Variants in AKNAD1 observed in about 807,000 individuals in gnomAD.
AKNAD1 encodes the protein protein AKNAD1.
In AKNAD1, 67 loss-of-function variants were observed where a neutral mutation model predicts 90.8. The observed-to-expected ratio is 0.74, with a 90% CI of 0.61 to 0.90. AKNAD1 has a LOEUF of 0.90. Among genes scored for constraint, AKNAD1 ranks in the 40% least tolerant of loss-of-function variants. The probability of loss-of-function intolerance (pLI) is 0.00; values close to 1 mark genes in which losing one functional copy is unlikely to be tolerated. For missense variants in AKNAD1, 957 were observed against 975.4 expected (o/e 0.98, Z 0.25); for synonymous variants, 327 against 341.4 (o/e 0.96, Z 0.46).
intron 13 of AKNAD1, among the ~76,000 whole-genome samples, chr1:108,821,170 GC>G (rs1171406165): frequency 6.6e-6 from 1 of 152,080 alleles, no homozygotes; most frequent in African/African-American, 2.4e-5. Flanking sequence ...GGAGTTTTAG[GC>G]CAGGCGTGGT....
At chr1:108,816,864 T>A (rs533327803) in intron 15 of AKNAD1, 184 bp downstream of exon 15, 6 of 615,136 alleles carry the variant, frequency 9.8e-6, no homozygotes, top group South Asian at 6.8e-5. Context: ...CAATTTAGAA[T>A]AATACAAACC....
At chr1:108,817,659 G>A (rs1393138132) in intron 14 of AKNAD1, among the ~76,000 whole-genome samples, 4 of 150,912 alleles carry the variant, frequency 2.7e-5, no homozygotes, top group African/African-American at 9.7e-5. Context: ...CCGCCACCAC[G>A]CCCGGCTAAT....
At chr1:108,855,515 G>A (rs890104338) in intron 1 of AKNAD1, among the ~76,000 whole-genome samples, 2 of 151,966 alleles carry the variant, frequency 1.3e-5, no homozygotes, top group African/African-American at 4.8e-5. Context: ...GGCTGGATGA[G>A]GTGGCTCATG....
chr1:108,823,061 T>C lies in AKNAD1; in HGVS notation c.2167+309A>G, dbSNP rs138288892. The C allele has an allele frequency of 1.3e-5, 8 of 638,222 alleles. No individual in the cohort carries two copies. In the East Asian group the frequency reaches 2.2e-4, roughly 17 times the overall value. The allele number at this position is 638,222 out of a possible 1,614,324, so 39.5% of individuals were successfully genotyped here. A position where few individuals can be genotyped will look rare whatever the true frequency, so the allele number is the denominator to read the frequency against. ...GAATAGTAACAATAATAGTAGTGAT[T>C]ATCCAGTAAGTCATTTATTTGTTCA... On this transcript the variant is annotated intron_variant, in intron 13 of 15. Coordinates refer to ENST00000370001, the MANE Select transcript of AKNAD1 (RefSeq NM_152763.5).
In AKNAD1 at chr1:108,848,686, G is replaced by T. The variant is rs547595715; in HGVS notation, c.1245+66C>A. On this transcript the variant is annotated intron_variant, in intron 5 of 15. Coordinates refer to ENST00000370001, the MANE Select transcript of AKNAD1 (RefSeq NM_152763.5). ...TGTAGAGAAAACATGGCACTATAAAGTTATTTATCTTTATCCAAGCCATAT... is the reference window on the plus strand; with the variant it reads ...TGTAGAGAAAACATGGCACTATAAATTTATTTATCTTTATCCAAGCCATAT... The T allele has an allele frequency of 4.9e-6, 7 of 1,421,562 alleles. No individual in the cohort carries two copies. The South Asian group carries it at 8.7e-5, about 18-fold the overall frequency. The allele number at this position is 1,421,562 out of a possible 1,614,324, so 88.1% of individuals were successfully genotyped here.
intron 1 of AKNAD1, among the ~76,000 whole-genome samples, chr1:108,853,276 T>C (rs955237435): frequency 1.5e-4 from 23 of 151,898 alleles, no homozygotes; most frequent in Non-Finnish European, 2.7e-4. Context: ...GGACTACAGG[T>C]GCCCGCCACC....
intron 9 of AKNAD1, among the ~76,000 whole-genome samples, chr1:108,834,243 C>T (rs907075852): frequency 1.3e-5 from 2 of 152,092 alleles, no homozygotes; most frequent in Non-Finnish European, 1.5e-5. Context: ...GGTCTAGGTA[C>T]GCCTGCCGAG....
At chr1:108,855,490 T>TAAA (rs71069608) in intron 1 of AKNAD1, among the ~76,000 whole-genome samples, 19 of 138,404 alleles carry the variant, frequency 1.4e-4, no homozygotes, top group Non-Finnish European at 2.2e-4. Context: ...TATTTGAAGG[T>TAAA]AAAAAAAAAA....
intron 2 of AKNAD1, among the ~76,000 whole-genome samples, 162 bp downstream of exon 2, chr1:108,851,510 C>T (rs1201820352): frequency 1.3e-5 from 2 of 152,150 alleles, no homozygotes; most frequent in Non-Finnish European, 2.9e-5. Flanking sequence ...CTCGTGAGGA[C>T]ACTGAGAGTC....
chr1:108,836,222 C>T (rs376601086), intron 7 of AKNAD1, among the ~76,000 whole-genome samples: 23 of 152,336 alleles, frequency 1.5e-4, no homozygotes, highest in African/African-American at 5.1e-4. Flanking sequence ...CCTGAGGTGG[C>T]CTCACAAAGA....
chr1:108,857,909 G>A (rs1665094043), upstream of AKNAD1: 1 of 152,256 alleles, frequency 6.6e-6, no homozygotes, highest in Non-Finnish European at 1.5e-5. Flanking sequence ...TTTAGAATGT[G>A]AATAGTGTAC....
At position 108,852,727 on chromosome 1, in the gene AKNAD1, A is replaced by G; in HGVS notation, c.-63T>C. 1 of 1,476,634 alleles carries G rather than the reference A, an allele frequency of 6.8e-7. No individual in the cohort carries two copies. Among genetic ancestry groups the G allele is most frequent in the Non-Finnish European group, 9.0e-7 (1 of 1,105,776 alleles). The allele number at this position is 1,476,634 out of a possible 1,614,324, so 91.5% of individuals were successfully genotyped here. A position where few individuals can be genotyped will look rare whatever the true frequency, so the allele number is the denominator to read the frequency against. On this transcript the variant is annotated 5_prime_UTR_variant, in exon 2 of 16. Coordinates refer to ENST00000370001, the MANE Select transcript of AKNAD1 (RefSeq NM_152763.5). ...GAGCTGGCTGCTGTCAGTTGTAACA[A>G]TAGCTCTGGTTCTCACTGACTGTCT...
At chr1:108,840,855 G>A (rs193026769) in intron 6 of AKNAD1, among the ~76,000 whole-genome samples, 68 of 152,184 alleles carry the variant, frequency 4.5e-4, no homozygotes, top group African/African-American at 1.5e-3. Context: ...ATGAAACAGG[G>A]GACAAGGAGA....
In AKNAD1 at chr1:108,834,480, G is replaced by C; in HGVS notation, c.1713C>G (p.Asp571Glu). Residue 571 changes from aspartate (D) to glutamate (E), a missense_variant, in exon 9 of 16, where the codon GAC becomes GAG. Transcript: ENST00000370001. ...YGDAAAQNKP[D>E]QVAMRLSSNS... The stretch of plus-strand genomic sequence containing the variant: ...TAGAAGACAGCCTCATGGCCACTTG[G>C]TCTGGCTTGTTCTGGGCAGCTGCAT... The C allele has an allele frequency of 6.2e-7, 1 of 1,611,078 alleles. No individual in the cohort carries two copies. The highest frequency in any genetic ancestry group is 8.5e-7 in the Non-Finnish European group (1 of 1,178,938).
intron 5 of AKNAD1, 113 bp from the exon 6 acceptor site, chr1:108,843,380 CCTT>C: frequency 7.7e-7 from 1 of 1,305,304 alleles, no homozygotes. Context: ...AAGCTGCCAT[CCTT>C]CTCCCAGCAG....
At chr1:108,827,823 A>G (rs554818273) in intron 10 of AKNAD1, among the ~76,000 whole-genome samples, 1 of 149,806 alleles carries the variant, frequency 6.7e-6, no homozygotes, top group South Asian at 2.1e-4. Flanking sequence ...CAAAAAAAAA[A>G]AAAAGAAAAT....
intron 2 of AKNAD1, among the ~76,000 whole-genome samples, chr1:108,850,735 C>T (rs1280537225): frequency 6.6e-6 from 1 of 152,136 alleles, no homozygotes; most frequent in Non-Finnish European, 1.5e-5. Context: ...GTCCAGGACA[C>T]CTTCATATAA....
intron 2 of AKNAD1, 44 bp downstream of exon 2, chr1:108,851,628 C>T (rs199868769): frequency 2.0e-6 from 3 of 1,504,248 alleles, no homozygotes; most frequent in Middle Eastern, 1.8e-4. Context: ...AAGAGATAAG[C>T]AGTGGTCCCA....
intron 2 of AKNAD1, among the ~76,000 whole-genome samples, chr1:108,850,482 CG>C (rs1348798933): frequency 2.6e-5 from 4 of 152,100 alleles, no homozygotes; most frequent in African/African-American, 9.7e-5. Flanking sequence ...CCCAATACCA[CG>C]GGGGTGTAGG....
Sources: allele counts gnomAD v4.1 joint callset (sites outside exome capture counted in the v4.1 genomes callset), GRCh38; gene constraint gnomAD v4.1.1; transcripts MANE v1.5; gene names NCBI Gene and HGNC (gene_info 2026-07-23, HGNC 2026-07-21).